GRPEL2: variants seen among roughly 807,000 people sequenced by gnomAD.
The protein encoded by GRPEL2 is grpE protein homolog 2, mitochondrial.
In GRPEL2, 18 loss-of-function variants were observed where a neutral mutation model predicts 25.9. The ratio of observed to expected loss-of-function variants is 0.70; its 90% CI spans 0.48 to 1.03. The LOEUF (loss-of-function observed/expected upper bound fraction) is 1.03, where lower values mean the gene tolerates loss of function less well. Among genes scored for constraint, GRPEL2 ranks in the 50% least tolerant of loss-of-function variants. GRPEL2 has a pLI of 0.00. For missense variants in GRPEL2, 247 were observed against 276.2 expected (o/e 0.89, Z 0.75); for synonymous variants, 106 against 107.9 (o/e 0.98, Z 0.11).
At chr5:149,345,809 T>C (rs1305736605) in intron 1 of GRPEL2, 193 bp downstream of exon 1, 2 of 603,200 alleles carry the variant, frequency 3.3e-6, no homozygotes, top group Non-Finnish European at 6.0e-6. Context: ...CCGTGCCTCT[T>C]TCTTAGGCCG....
intron 1 of GRPEL2, 86 bp downstream of exon 1, chr5:149,345,702 G>C: frequency 8.9e-7 from 1 of 1,128,670 alleles, no homozygotes; most frequent in Non-Finnish European, 1.3e-6. Flanking sequence ...TGGAAGGCGA[G>C]AGCTATCTGA....
chr5:149,346,715 A>ATTTTTTTTTTTTTTTTTTTTTTTT (rs34300270), intron 1 of GRPEL2, among the ~76,000 whole-genome samples: 2 of 59,272 alleles, frequency 3.4e-5, no homozygotes, highest in Non-Finnish European at 5.7e-5. Flanking sequence ...GGCCCTGAGA[A>ATTTTTTTTTTTTTTTTTTTTTTTT]TTTTTTTTTT....
At chr5:149,348,795 C>T (rs1757728672) in intron 2 of GRPEL2, among the ~76,000 whole-genome samples, 1 of 152,028 alleles carries the variant, frequency 6.6e-6, no homozygotes, top group African/African-American at 2.4e-5. Flanking sequence ...GCATACTGGA[C>T]CCAGTCCTGG....
At chr5:149,347,213 A>G (rs1757704715) in intron 1 of GRPEL2, among the ~76,000 whole-genome samples, 1 of 152,160 alleles carries the variant, frequency 6.6e-6, no homozygotes, top group Non-Finnish European at 1.5e-5. Flanking sequence ...GGAAAGTAGG[A>G]GAGATAAAAG....
At chr5:149,350,826 T>C in intron 3 of GRPEL2, 92 bp from the exon 4 acceptor site, 1 of 1,341,264 alleles carries the variant, frequency 7.5e-7, no homozygotes, top group East Asian at 2.3e-5. Context: ...CTACTCAGCA[T>C]ACTAGCCGTC....
At position 149,353,207 on chromosome 5, in the gene GRPEL2, T is replaced by C. The variant is rs1411955662; in HGVS notation, c.*1925T>C. Reference sequence around the variant, plus strand: ...CAATCAAAAGACTGGTGGTTAAGCTTGTAAAACCAGAACATCTTTTGGCAT... The same window carrying C: ...CAATCAAAAGACTGGTGGTTAAGCTCGTAAAACCAGAACATCTTTTGGCAT... On this transcript the variant is annotated 3_prime_UTR_variant, in exon 4 of 4. Coordinates refer to ENST00000329271, the MANE Select transcript of GRPEL2 (RefSeq NM_152407.4). 6.6e-6 allele frequency: 1 copy of C among 152,658 alleles called. No homozygotes were observed. The allele number at this position is 152,658 out of a possible 1,614,324, so 9.5% of individuals were successfully genotyped here. A position where few individuals can be genotyped will look rare whatever the true frequency, so the allele number is the denominator to read the frequency against.
intron 1 of GRPEL2, among the ~76,000 whole-genome samples, chr5:149,346,643 A>AT (rs991224071): frequency 7.0e-6 from 1 of 143,720 alleles, no homozygotes; most frequent in Non-Finnish European, 1.5e-5. Context: ...AGGAATTGAG[A>AT]TTGGCCACAA....
At position 149,354,369 on chromosome 5, in the gene GRPEL2, C is replaced by T. The variant is rs550756143; in HGVS notation, c.*3087C>T. The T allele has an allele frequency of 5.3e-5, 8 of 152,282 alleles. No homozygotes were observed. In the South Asian group the frequency reaches 1.2e-3, roughly 24 times the overall value. The allele number at this position is 152,282 out of a possible 1,614,324, so 9.4% of individuals were successfully genotyped here. On this transcript the variant is annotated 3_prime_UTR_variant, in exon 4 of 4. Coordinates refer to ENST00000329271, the MANE Select transcript of GRPEL2 (RefSeq NM_152407.4). ...CTGTACAAATGTTTTACTGACTTTT[C>T]TTACTGCTGTAAAGGAATCAGGCAG...
chr5:149,345,728 CCAA>C, intron 1 of GRPEL2, 112 bp downstream of exon 1: 2 of 862,378 alleles, frequency 2.3e-6, no homozygotes, highest in Non-Finnish European at 3.7e-6. Context: ...GGCCAGGGGA[CCAA>C]GCTTCTCGGC....
In GRPEL2 at chr5:149,353,081, A is replaced by G. The variant is rs1757800497; in HGVS notation, c.*1799A>G. ...CTTATACATTATAGATAATTCTAAG[A>G]CAGCACACAAACTTATCAATAAAGC... is the stretch of plus-strand genomic sequence containing the variant. On this transcript the variant is annotated 3_prime_UTR_variant, in exon 4 of 4. Transcript: ENST00000329271. 2.0e-5 allele frequency: 3 copies of G among 152,646 alleles called. No individual in the cohort carries two copies. The highest frequency in any genetic ancestry group is 7.2e-5 in the African/African-American group (3 of 41,456). The allele number at this position is 152,646 out of a possible 1,614,324, so 9.5% of individuals were successfully genotyped here.
Position 149,348,224 on chromosome 5 carries a change from G to A in GRPEL2, c.78-48G>A, listed in dbSNP as rs1443290418. On this transcript the variant is annotated intron_variant, in intron 1 of 3. Transcript: ENST00000329271. ...GTCTCTAAACTTGGTTGTAATTTTG[G>A]CTTATGATGGCATTTCTTCATTATG... 3 of 1,532,664 alleles carry A rather than the reference G, an allele frequency of 2.0e-6. No individual in the cohort carries two copies. The Admixed American group carries it at 6.5e-5, about 33-fold the overall frequency. The allele number at this position is 1,532,664 out of a possible 1,614,324, so 94.9% of individuals were successfully genotyped here. A position where few individuals can be genotyped will look rare whatever the true frequency, so the allele number is the denominator to read the frequency against.
In GRPEL2 at chr5:149,348,364, T is replaced by A. The variant is rs772982005; in HGVS notation, c.170T>A (p.Leu57His). Residue 57 changes from leucine (L) to histidine (H), a missense_variant, in exon 2 of 4, where the codon CTT (leucine) becomes CAT (histidine). Transcript: ENST00000329271. ...EDPPDELGPPLAERALRVKAV... is the reference protein window; with the variant it reads ...EDPPDELGPPHAERALRVKAV... ...CCTCCTGATGAGCTTGGGCCCCCTC[T>A]TGCTGAACGAGCCTTAAGGGTAAAA... 1 of 1,613,644 alleles carries A rather than the reference T, an allele frequency of 6.2e-7. No homozygotes were observed.
intron 3 of GRPEL2, 85 bp from the exon 4 acceptor site, chr5:149,350,833 C>A: frequency 7.2e-7 from 1 of 1,394,776 alleles, no homozygotes; most frequent in Non-Finnish European, 9.9e-7. Flanking sequence ...GCATACTAGC[C>A]GTCTATCTAG....
At position 149,353,885 on chromosome 5, in the gene GRPEL2, G is replaced by A. The variant is rs1757816096; in HGVS notation, c.*2603G>A. 1 of 152,078 alleles carries A rather than the reference G, an allele frequency of 6.6e-6. No individual in the cohort carries two copies. Among genetic ancestry groups the A allele is most frequent in the South Asian group, 2.1e-4 (1 of 4,816 alleles). 9.4% of individuals were successfully genotyped at this position (152,078 alleles called of 1,614,324 possible). ...AGCTCAGTCACCTGCAGGACTTTAG[G>A]CACCAGTGATTTCACCCTTCTGAGC... On this transcript the variant is annotated 3_prime_UTR_variant, in exon 4 of 4. Transcript: ENST00000329271.
rs1394149592 is a variant in GRPEL2, at chr5:149,348,339, C to A, written c.145C>A (p.Pro49Thr). The change falls in exon 2 of 4, where the codon CCT becomes ACT. Residue 49 changes from proline (P) to threonine (T), a missense_variant. Physicochemically the swap from Pro to Thr is conservative, Grantham distance 38. Around this residue, in one of 2 missense-constraint regions of GRPEL2, gnomAD observed 125 missense variants for 107.0 expected, o/e 1.17. Transcript: ENST00000329271. ...TGGTGAGGACTGCCGTTCTGAGGAC[C>A]CTCCTGATGAGCTTGGGCCCCCTCT... Reference protein sequence around the residue: ...TAGEDCRSEDPPDELGPPLAE... With the variant: ...TAGEDCRSEDTPDELGPPLAE... The A allele has an allele frequency of 3.7e-6, 6 of 1,613,194 alleles. No individual in the cohort carries two copies. The highest frequency in any genetic ancestry group is 5.1e-6 in the Non-Finnish European group (6 of 1,179,764).
rs566230766 is a variant in GRPEL2, at chr5:149,352,914, C to A, written c.*1632C>A. 4 of 152,240 alleles carry A rather than the reference C, an allele frequency of 2.6e-5. No individual in the cohort carries two copies. In the East Asian group the frequency reaches 7.7e-4, roughly 29 times the overall value. 9.4% of individuals were successfully genotyped at this position (152,240 alleles called of 1,614,324 possible). On this transcript the variant is annotated 3_prime_UTR_variant, in exon 4 of 4. Coordinates refer to ENST00000329271, the MANE Select transcript of GRPEL2 (RefSeq NM_152407.4). ...TAAGTCTCCATTTAAGATTAATGGG[C>A]ATGCAATGAAGTCTCCAGCAGACAA...
chr5:149,347,650 T>C (rs1176760531), intron 1 of GRPEL2, among the ~76,000 whole-genome samples: 2 of 152,246 alleles, frequency 1.3e-5, no homozygotes, highest in African/African-American at 4.8e-5. Context: ...GGCAGTAACA[T>C]ATAGTATTGT....
intron 3 of GRPEL2, chr5:149,349,988 A>G: frequency 1.9e-6 from 1 of 537,728 alleles, no homozygotes; most frequent in Non-Finnish European, 3.3e-6. Context: ...AGGTTGCAGT[A>G]AGCCAGGATC....
chr5:149,349,579 A>G (rs2127609898), intron 2 of GRPEL2, 75 bp from the exon 3 acceptor site: 1 of 1,090,742 alleles, frequency 9.2e-7, no homozygotes, highest in Admixed American at 2.5e-5. Flanking sequence ...GAAATTTGTA[A>G]AGTAAGCAAA....
Sources: gnomAD v4.1 joint callset for allele counts (sites outside exome capture counted in the v4.1 genomes callset) on GRCh38, gnomAD v4.1.1 for gene constraint, gnomAD v4.1.1 regional missense constraint, MANE v1.5 for transcripts, NCBI Gene and HGNC (gene_info 2026-07-23, HGNC 2026-07-21) for gene names.